Variants in KLRG2 observed in about 807,000 individuals in gnomAD.
KLRG2 encodes the protein killer cell lectin like receptor G2.
A neutral mutation model predicts 35.4 loss-of-function variants in KLRG2; 39 were observed. The ratio of observed to expected loss-of-function variants is 1.10; its 90% CI spans 0.85 to 1.44. The LOEUF is 1.44. KLRG2 is among the 40% of genes most tolerant of loss of function. The pLI is 0.00. For synonymous variants in KLRG2, 283 were observed against 265.8 expected (o/e 1.06, Z -0.63); for missense variants, 632 against 570.9 (o/e 1.11, Z -1.09).
At chr7:139,461,101 T>G (rs1272920329) in intron 3 of KLRG2, among the ~76,000 whole-genome samples, 1 of 152,056 alleles carries the variant, frequency 6.6e-6, no homozygotes, top group African/African-American at 2.4e-5. Flanking sequence ...AACACAAAAA[T>G]TATCCAGGCA....
At chr7:139,477,094 C>T (rs144243544) in intron 3 of KLRG2, among the ~76,000 whole-genome samples, 4 of 152,230 alleles carry the variant, frequency 2.6e-5, no homozygotes, top group Non-Finnish European at 4.4e-5. Context: ...TGGCACCTGC[C>T]CCCAGGTAAA....
intron 3 of KLRG2, among the ~76,000 whole-genome samples, chr7:139,469,284 C>T (rs1445002690): frequency 6.6e-6 from 1 of 152,118 alleles, no homozygotes; most frequent in Admixed American, 6.6e-5. Flanking sequence ...CTCAGCCTCC[C>T]GAATAGCTGG....
chr7:139,461,995 C>T lies in KLRG2; in HGVS notation c.1006-7781G>A, dbSNP rs1405659295. ...TCTCACCAATTTTAAATTGGATAAG[C>T]GGCCTCTTTTTACGCTTTTCTCCAA... On this transcript the variant is annotated intron_variant, in intron 3 of 4. Coordinates refer to ENST00000340940, the MANE Select transcript of KLRG2 (RefSeq NM_198508.4). Among the ~76,000 whole-genome samples the T allele has an allele frequency of 2.0e-5, 3 of 152,134 alleles. No individual in the cohort carries two copies. The East Asian group carries it at 5.8e-4, about 29-fold the overall frequency.
At chr7:139,461,469 A>G (rs1264246958) in intron 3 of KLRG2, among the ~76,000 whole-genome samples, 2 of 152,242 alleles carry the variant, frequency 1.3e-5, no homozygotes, top group Admixed American at 6.5e-5. Context: ...TAGGATTGCC[A>G]GGCCTCTGAG....
At chr7:139,439,756 C>T in the KLRG2 span, among the ~76,000 whole-genome samples, 1 of 152,120 alleles carries the variant, frequency 6.6e-6, no homozygotes. Flanking sequence ...TTGGGAATAG[C>T]GGACACAAAG....
At chr7:139,445,060 C>T in the KLRG2 span, among the ~76,000 whole-genome samples, 2 of 150,596 alleles carry the variant, frequency 1.3e-5, no homozygotes, top group African/African-American at 5.0e-5. Flanking sequence ...TAAGCATTTC[C>T]TATGGGCTGG....
chr7:139,449,497 C>T (rs1796344677), downstream of KLRG2, among the ~76,000 whole-genome samples: 1 of 152,082 alleles, frequency 6.6e-6, no homozygotes, highest in Non-Finnish European at 1.5e-5. Context: ...GGACATTACA[C>T]TATTGGAGAC....
At chr7:139,445,795 G>GTATATATATATATATATATATA in the KLRG2 span, among the ~76,000 whole-genome samples, 1 of 92,086 alleles carries the variant, frequency 1.1e-5, no homozygotes, top group African/African-American at 8.7e-5. Flanking sequence ...ATATATATGT[G>GTATATATATATATATATATATA]TGTATATATA....
chr7:139,477,594 G>A (rs934129698), intron 3 of KLRG2, among the ~76,000 whole-genome samples: 7 of 152,140 alleles, frequency 4.6e-5, no homozygotes, highest in Non-Finnish European at 7.4e-5. Flanking sequence ...GGGGGAAATG[G>A]GGAATCAGTG....
At chr7:139,478,961 A>C (rs892221505) in intron 3 of KLRG2, among the ~76,000 whole-genome samples, 1 of 152,020 alleles carries the variant, frequency 6.6e-6, no homozygotes, top group South Asian at 2.1e-4. Flanking sequence ...GCAGTGGCTC[A>C]TGGCCTGTAA....
chr7:139,483,272 A>G lies in KLRG2; in HGVS notation c.371T>C (p.Leu124Pro). ...PAPSAWAPME[L>P]QVDVRVKPVG... ...GGGCTTCACGCGCACATCTACCTGC[A>G]GCTCCATGGGCGCCCAGGCGCTGGG... is the stretch of plus-strand genomic sequence containing the variant. The change falls in exon 1 of 5, where the codon CTG (leucine) becomes CCG (proline). Residue 124 changes from leucine (L) to proline (P), a missense_variant. Transcript: ENST00000340940. 1 of 1,561,214 alleles carries G rather than the reference A, an allele frequency of 6.4e-7. No individual in the cohort carries two copies.
At chr7:139,442,588 G>A in the KLRG2 span, among the ~76,000 whole-genome samples, 3 of 152,184 alleles carry the variant, frequency 2.0e-5, no homozygotes, top group African/African-American at 7.2e-5. Context: ...GCTCATGCCT[G>A]TAATCCCAGC....
chr7:139,445,069 G>A, the KLRG2 span, among the ~76,000 whole-genome samples: 37 of 144,330 alleles, frequency 2.6e-4, no homozygotes, highest in Non-Finnish European at 3.8e-4. Context: ...CCTATGGGCT[G>A]GCACTATTTC....
chr7:139,442,352 C>A, the KLRG2 span, among the ~76,000 whole-genome samples: 4 of 152,188 alleles, frequency 2.6e-5, no homozygotes, highest in African/African-American at 9.7e-5. Flanking sequence ...TGCTGCTCTC[C>A]TAGAGCATAC....
the KLRG2 span, among the ~76,000 whole-genome samples, chr7:139,431,029 A>T: frequency 6.6e-6 from 1 of 151,806 alleles, no homozygotes; most frequent in East Asian, 1.9e-4. Flanking sequence ...AAAAAAAAAA[A>T]AGGTTAAATT....
the KLRG2 span, among the ~76,000 whole-genome samples, chr7:139,428,562 T>A: frequency 6.6e-6 from 1 of 152,206 alleles, no homozygotes; most frequent in East Asian, 1.9e-4. Flanking sequence ...CCTGGCCAGT[T>A]ACATTTTTTG....
chr7:139,474,477 G>C (rs1317464779), intron 3 of KLRG2, among the ~76,000 whole-genome samples: 1 of 152,076 alleles, frequency 6.6e-6, no homozygotes, highest in Non-Finnish European at 1.5e-5. Context: ...TAATGTTTTT[G>C]GCTGGGCATG....
At chr7:139,452,025 G>A (rs1796384603), downstream of KLRG2, among the ~76,000 whole-genome samples, 4 of 144,918 alleles carry the variant, frequency 2.8e-5, no homozygotes, top group South Asian at 6.6e-4. Flanking sequence ...CTGCAGTGCA[G>A]TGGCACAATC....
chr7:139,479,084 A>G (rs1350017627), intron 3 of KLRG2, among the ~76,000 whole-genome samples: 1 of 151,996 alleles, frequency 6.6e-6, no homozygotes, highest in Non-Finnish European at 1.5e-5. Flanking sequence ...TTTTATTTTT[A>G]TTTATTTATT....
Sources: gnomAD v4.1 joint callset for allele counts (sites outside exome capture counted in the v4.1 genomes callset) on GRCh38, gnomAD v4.1.1 for gene constraint, MANE v1.5 for transcripts, NCBI Gene and HGNC (gene_info 2026-07-23, HGNC 2026-07-21) for gene names.